Variants in MYO3B observed in about 807,000 individuals in gnomAD.
The protein encoded by MYO3B is myosin-IIIb.
Under a neutral mutation model 174.6 loss-of-function variants are expected in MYO3B, and 156 were observed. The observed-to-expected ratio is 0.89, with a 90% CI of 0.78 to 1.02. The LOEUF is 1.02. Ranked by LOEUF, MYO3B falls within the 50% of genes least tolerant of loss-of-function variation. The probability of loss-of-function intolerance (pLI) is 0.00; values close to 1 mark genes in which losing one functional copy is unlikely to be tolerated. For synonymous variants in MYO3B, 563 were observed against 569.1 expected, an observed-to-expected ratio of 0.99 and a Z score of 0.15; for missense variants, 1,632 against 1,639.4, an observed-to-expected ratio of 1.00 and a Z score of 0.08.
At chr2:170,222,750 C>T (rs984069438) in intron 6 of MYO3B, among the ~76,000 whole-genome samples, 1 of 152,182 alleles carries the variant, frequency 6.6e-6, no homozygotes, top group African/African-American at 2.4e-5. Context: ...GGGGCTAGGA[C>T]TTAAATGTAT....
intron 7 of MYO3B, among the ~76,000 whole-genome samples, chr2:170,318,742 G>A (rs1290970273): frequency 6.6e-6 from 1 of 152,162 alleles, no homozygotes; most frequent in Non-Finnish European, 1.5e-5. Context: ...TGAGTTGTTA[G>A]TGTGGGTTGG....
At chr2:170,564,931 G>T (rs554923553) in intron 32 of MYO3B, among the ~76,000 whole-genome samples, 1 of 150,706 alleles carries the variant, frequency 6.6e-6, no homozygotes, top group Admixed American at 6.6e-5. Context: ...AATTAAAATT[G>T]CTTGATTTTC....
intron 9 of MYO3B, among the ~76,000 whole-genome samples, chr2:170,371,563 T>A (rs1356307111): frequency 6.6e-6 from 1 of 152,160 alleles, no homozygotes; most frequent in East Asian, 1.9e-4. Flanking sequence ...GTACTATTAC[T>A]TCCTCTTAGC....
chr2:170,504,179 T>C lies in MYO3B; in HGVS notation c.3370+2314T>C, dbSNP rs868825049. On this transcript the variant is annotated intron_variant, in intron 28 of 34. Coordinates refer to ENST00000408978, the MANE Select transcript of MYO3B (RefSeq NM_138995.5). ...TGCAGGAAGTGGCTTAGGGATGTTG[T>C]CACAGCACAACCATTTCCGGTTGTT... is the stretch of plus-strand genomic sequence containing the variant. 7.9e-5 allele frequency among the ~76,000 whole-genome samples: 12 copies of C among 152,350 alleles called. No individual in the cohort carries two copies. In the South Asian group the frequency reaches 1.2e-3, roughly 16 times the overall value.
chr2:170,387,235 C>T lies in MYO3B; in HGVS notation c.1504C>T (p.Pro502Ser), dbSNP rs1352526251. 1.9e-6 allele frequency: 3 copies of T among 1,614,110 alleles called. No individual in the cohort carries two copies. Among genetic ancestry groups the T allele is most frequent in the Admixed American group, 1.7e-5 (1 of 59,998 alleles). ...AAAATATCTGGAAATGATGTTTACA[C>T]CAACTGGAGTTGTGATGGGGGCAAG... ...FGKYLEMMFT[P>S]TGVVMGARIS... Residue 502 changes from proline to serine, a missense_variant, in exon 14 of 35, where the codon CCA becomes TCA. Physicochemically the swap from Pro to Ser is moderately conservative, Grantham distance 74. Coordinates refer to ENST00000408978, the MANE Select transcript of MYO3B (RefSeq NM_138995.5).
chr2:170,627,983 G>C (rs906144774), intron 32 of MYO3B, among the ~76,000 whole-genome samples: 12 of 152,212 alleles, frequency 7.9e-5, no homozygotes, highest in African/African-American at 2.9e-4. Flanking sequence ...TCCCAGTTAG[G>C]CTACTCGGGG....
intron 9 of MYO3B, among the ~76,000 whole-genome samples, chr2:170,377,188 C>T (rs962949856): frequency 6.6e-6 from 1 of 152,194 alleles, no homozygotes; most frequent in African/African-American, 2.4e-5. Flanking sequence ...TATTAGAGAA[C>T]AATGACACAG....
chr2:170,466,551 C>A lies in MYO3B; in HGVS notation c.2854C>A (p.His952Asn). 6.2e-7 allele frequency: 1 copy of A among 1,614,186 alleles called. No individual in the cohort carries two copies. The highest frequency in any genetic ancestry group is 8.5e-7 in the Non-Finnish European group (1 of 1,180,036). Reference protein sequence around the residue: ...LLSKMVVGQPHFVRCIKPNDD... With the variant: ...LLSKMVVGQPNFVRCIKPNDD... ...CTCCAAAATGGTGGTTGGACAGCCCCACTTTGTGCGCTGCATTAAACCCAA... is the reference window on the plus strand; with the variant it reads ...CTCCAAAATGGTGGTTGGACAGCCCAACTTTGTGCGCTGCATTAAACCCAA... Residue 952 changes from histidine to asparagine, a missense_variant, in exon 25 of 35, where the codon CAC becomes AAC. By Grantham distance (68) the His-to-Asn change is moderately conservative (BLOSUM62 1). Coordinates refer to ENST00000408978, the MANE Select transcript of MYO3B (RefSeq NM_138995.5).
chr2:170,323,786 G>T (rs1422365180), intron 7 of MYO3B, among the ~76,000 whole-genome samples: 1 of 151,928 alleles, frequency 6.6e-6, no homozygotes, highest in Non-Finnish European at 1.5e-5. Flanking sequence ...ACTTATTATT[G>T]TTAGCTGTTG....
chr2:170,413,146 A>G (rs1258537964), intron 22 of MYO3B, among the ~76,000 whole-genome samples: 1 of 152,210 alleles, frequency 6.6e-6, no homozygotes, highest in East Asian at 1.9e-4. Flanking sequence ...AACTATATCC[A>G]TACAAATAAA....
intron 22 of MYO3B, among the ~76,000 whole-genome samples, chr2:170,434,282 C>T (rs531662069): frequency 3.9e-5 from 6 of 152,200 alleles, no homozygotes; most frequent in South Asian, 2.1e-4. Flanking sequence ...CTCAACCTCC[C>T]GGGCTCAACT....
At chr2:170,535,922 A>G (rs1689657466) in intron 30 of MYO3B, among the ~76,000 whole-genome samples, 1 of 152,186 alleles carries the variant, frequency 6.6e-6, no homozygotes, top group Admixed American at 6.5e-5. Flanking sequence ...TTTATCCCTG[A>G]ACTTTCTCTC....
intron 27 of MYO3B, among the ~76,000 whole-genome samples, chr2:170,500,864 C>T (rs958133557): frequency 3.3e-5 from 5 of 151,866 alleles, no homozygotes; most frequent in African/African-American, 1.2e-4. Flanking sequence ...TTCATGTGCC[C>T]TGCCTAGTCA....
intron 32 of MYO3B, among the ~76,000 whole-genome samples, chr2:170,610,103 A>G (rs1695043412): frequency 6.6e-6 from 1 of 152,210 alleles, no homozygotes; most frequent in Non-Finnish European, 1.5e-5. Flanking sequence ...TTAGGAGGCC[A>G]AGGCGGGTGG....
At chr2:170,412,189 T>C (rs1409189146) in intron 22 of MYO3B, 1 of 152,206 alleles carries the variant, frequency 6.6e-6, no homozygotes, top group African/African-American at 2.4e-5. Flanking sequence ...TGGGTAATGT[T>C]CCACTTGCAA....
intron 23 of MYO3B, among the ~76,000 whole-genome samples, chr2:170,452,522 A>G (rs1189219465): frequency 6.6e-6 from 1 of 152,222 alleles, no homozygotes; most frequent in East Asian, 1.9e-4. Flanking sequence ...TTGGATATCC[A>G]TTTTAATTAA....
At chr2:170,544,375 G>A (rs1336589365) in intron 32 of MYO3B, among the ~76,000 whole-genome samples, 2 of 152,202 alleles carry the variant, frequency 1.3e-5, no homozygotes, top group South Asian at 2.1e-4. Flanking sequence ...TTGGCAACAT[G>A]GCCATTCTTT....
At chr2:170,643,792 C>T (rs1292339492) in intron 32 of MYO3B, 1 of 152,342 alleles carries the variant, frequency 6.6e-6, no homozygotes, top group Non-Finnish European at 1.5e-5. Flanking sequence ...CCCAGGACCC[C>T]TGTGCGTTGC....
intron 28 of MYO3B, among the ~76,000 whole-genome samples, chr2:170,512,305 T>C (rs1365966268): frequency 6.6e-6 from 1 of 152,212 alleles, no homozygotes; most frequent in Non-Finnish European, 1.5e-5. Flanking sequence ...GGCATTTGCC[T>C]GTCAGACCTC....
Sources: allele counts gnomAD v4.1 joint callset (sites outside exome capture counted in the v4.1 genomes callset), GRCh38; gene constraint gnomAD v4.1.1; transcripts MANE v1.5; gene names NCBI Gene and HGNC (gene_info 2026-07-23, HGNC 2026-07-21).